The following ZNF730 variants were observed in gnomAD, a reference collection of about 807,000 sequenced individuals.
ZNF730 encodes zinc finger protein 730, also known as putative zinc finger protein 730.
In ZNF730, 12 loss-of-function variants were observed where a neutral mutation model predicts 12.6. That is an observed-to-expected ratio of 0.95 (90% CI 0.61 to 1.54). ZNF730 has a LOEUF of 1.54. Ranked by LOEUF, ZNF730 falls within the 40% of genes most tolerant of loss-of-function variation. ZNF730 has a pLI of 0.00. For synonymous variants in ZNF730, 194 were observed against 195.8 expected (o/e 0.99, Z 0.08); for missense variants, 643 against 583.5 (o/e 1.10, Z -1.05).
upstream of ZNF730, among the ~76,000 whole-genome samples, chr19:23,115,997 G>C (rs919830887): frequency 2.0e-5 from 3 of 152,236 alleles, no homozygotes; most frequent in African/African-American, 7.2e-5. Context: ...TAGATGTGTT[G>C]TAAGATAATG....
intron 2 of ZNF730, among the ~76,000 whole-genome samples, chr19:23,135,096 G>A (rs775142439): frequency 1.6e-4 from 22 of 139,094 alleles, no homozygotes; most frequent in Non-Finnish European, 2.8e-4. Context: ...GTGGAAGGCC[G>A]CAGGGTCCTC....
chr19:23,119,817 AAAATAAATAAAT>A (rs534027161), intron 1 of ZNF730, among the ~76,000 whole-genome samples: 3 of 151,900 alleles, frequency 2.0e-5, no homozygotes, highest in Non-Finnish European at 4.4e-5. Flanking sequence ...CTCCGTCTCA[AAAATAAATAAAT>A]AAATAAATAA....
At chr19:23,119,825 T>C (rs1306278571) in intron 1 of ZNF730, among the ~76,000 whole-genome samples, 2 of 151,990 alleles carry the variant, frequency 1.3e-5, no homozygotes, top group Non-Finnish European at 2.9e-5. Flanking sequence ...CAAAAATAAA[T>C]AAATAAATAA....
intron 1 of ZNF730, chr19:23,100,443 AT>A (rs1970320638): frequency 3.3e-5 from 5 of 152,124 alleles, no homozygotes; most frequent in Admixed American, 3.3e-4. Flanking sequence ...GTTACAGAGA[AT>A]GTCATAACAG....
chr19:23,080,047 G>T lies in ZNF730; in HGVS notation c.-94+4660G>T, dbSNP rs146824768. On this transcript the variant is annotated intron_variant, in intron 1 of 2. Coordinates refer to the ZNF730 transcript ENST00000593635. ...TGCAACCTCTGCTTCCTGGGTTCAA[G>T]CAATTCTCCTGCCTCAGCCTCCTGA... 8.1e-3 allele frequency among the ~76,000 whole-genome samples: 1,229 copies of T among 152,170 alleles called. 9 individuals are homozygous for T. Among genetic ancestry groups the T allele is most frequent in the Non-Finnish European group, 0.013 (891 of 68,010 alleles).
chr19:23,106,214 AAGAG>A (rs1309370970), intron 1 of ZNF730, among the ~76,000 whole-genome samples: 2 of 151,270 alleles, frequency 1.3e-5, no homozygotes, highest in African/African-American at 2.5e-5. Flanking sequence ...GGGAAGAAAA[AAGAG>A]GAGGAGGAAG....
At chr19:23,084,484 T>TA (rs1970022790) in intron 1 of ZNF730, among the ~76,000 whole-genome samples, 1 of 152,190 alleles carries the variant, frequency 6.6e-6, no homozygotes, top group Admixed American at 6.5e-5. Flanking sequence ...ATAGGTCTTT[T>TA]AAAAAAACTT....
intron 1 of ZNF730, chr19:23,128,273 A>G: frequency 1.4e-6 from 1 of 694,010 alleles, no homozygotes; most frequent in Admixed American, 1.8e-5. Flanking sequence ...ATCATAGGCC[A>G]GAATGTTGCA....
chr19:23,097,809 T>C (rs1057335533), intron 1 of ZNF730, among the ~76,000 whole-genome samples: 1 of 152,000 alleles, frequency 6.6e-6, no homozygotes, highest in African/African-American at 2.4e-5. Flanking sequence ...AGCACATAGG[T>C]GATATGACTC....
intron 3 of ZNF730, among the ~76,000 whole-genome samples, chr19:23,142,770 GACTT>G (rs1332765336): frequency 9.9e-6 from 1 of 100,528 alleles, no homozygotes; most frequent in East Asian, 3.1e-4. Flanking sequence ...GAAAGAGAAA[GACTT>G]ACTGTTATTT....
upstream of ZNF730, among the ~76,000 whole-genome samples, chr19:23,114,305 CT>C (rs869304180): frequency 9.7e-6 from 1 of 103,514 alleles, no homozygotes; most frequent in African/African-American, 3.5e-5. Context: ...TTTTTCTTTT[CT>C]TTTTTTTTTT....
chr19:23,097,245 C>G (rs575229132), intron 1 of ZNF730, among the ~76,000 whole-genome samples: 39 of 152,280 alleles, frequency 2.6e-4, no homozygotes, highest in African/African-American at 9.4e-4. Flanking sequence ...GGCATTGTGA[C>G]ACATTACTTG....
At chr19:23,095,404 G>A (rs1970232171) in intron 1 of ZNF730, 3 of 398,432 alleles carry the variant, frequency 7.5e-6, no homozygotes, top group Non-Finnish European at 1.3e-5. Flanking sequence ...CCTGCCTATG[G>A]AGGACTTTGT....
At chr19:23,140,917 A>G (rs573855053) in intron 3 of ZNF730, among the ~76,000 whole-genome samples, 81 of 151,786 alleles carry the variant, frequency 5.3e-4, no homozygotes, top group African/African-American at 1.9e-3. Context: ...TTGCCACTAC[A>G]CTCTAGCCTG....
At chr19:23,126,661 G>GT (rs59629245) in intron 1 of ZNF730, 212,981 of 409,156 alleles carry the variant, frequency 0.52, 32,903 homozygotes, top group Admixed American at 0.61. Context: ...AGTTCCACTA[G>GT]TTTTTTTTTT....
chr19:23,099,315 C>A lies in ZNF730; in HGVS notation c.-94+23928C>A, dbSNP rs994870081. Reference sequence around the variant, plus strand: ...GCATAAGATCATAGGTCCATAGCACCACAAAAATCTCAGAGCAGATTGTGA... The same window carrying A: ...GCATAAGATCATAGGTCCATAGCACAACAAAAATCTCAGAGCAGATTGTGA... On this transcript the variant is annotated intron_variant, in intron 1 of 2. Coordinates refer to the ZNF730 transcript ENST00000593635. Among the ~76,000 whole-genome samples, 10 of 151,906 alleles carry A rather than the reference C, an allele frequency of 6.6e-5. 1 individual carries two copies. The highest frequency in any genetic ancestry group is 5.9e-4 in the Admixed American group (9 of 15,248).
chr19:23,114,647 G>A (rs180687887), upstream of ZNF730, among the ~76,000 whole-genome samples: 453 of 152,046 alleles, frequency 3.0e-3, 3 homozygotes, highest in Non-Finnish European at 4.2e-3. Context: ...CACCATGCCC[G>A]GCCCTAAAGT....
chr19:23,128,821 C>G (rs62122977), intron 1 of ZNF730, among the ~76,000 whole-genome samples: 6,021 of 152,262 alleles, frequency 0.04, 134 homozygotes, highest in East Asian at 0.11. Context: ...CTCTGCAGCC[C>G]CTTCCATCAC....
intron 1 of ZNF730, among the ~76,000 whole-genome samples, chr19:23,079,719 T>A (rs1969932002): frequency 6.6e-6 from 1 of 152,138 alleles, no homozygotes; most frequent in South Asian, 2.1e-4. Context: ...GAGATGATTT[T>A]TGTCTTACAA....
Sources: gnomAD v4.1 joint callset for allele counts (sites outside exome capture counted in the v4.1 genomes callset) on GRCh38, gnomAD v4.1.1 for gene constraint, MANE v1.5 for transcripts, NCBI Gene and HGNC (gene_info 2026-07-23, HGNC 2026-07-21) for gene names.